PCDHGA12: variants seen among roughly 807,000 people sequenced by gnomAD.
PCDHGA12 encodes protocadherin gamma subfamily A, 12, also known as protocadherin gamma-A12.
PCDHGA12 carries 43 observed loss-of-function variants against 61.1 expected under a neutral mutation model. The observed-to-expected ratio is 0.70, with a 90% CI of 0.55 to 0.91. The LOEUF is 0.91. Ranked by LOEUF, PCDHGA12 falls within the 40% of genes least tolerant of loss-of-function variation. The probability of loss-of-function intolerance (pLI) is 0.00; values close to 1 mark genes in which losing one functional copy is unlikely to be tolerated. For missense variants in PCDHGA12, 1,236 were observed against 1,227.7 expected (o/e 1.01, Z -0.10); for synonymous variants, 520 against 542.9 (o/e 0.96, Z 0.59).
intron 3 of PCDHGA12, among the ~76,000 whole-genome samples, chr5:141,510,584 C>T (rs2099881791): frequency 1.3e-5 from 2 of 152,184 alleles, no homozygotes. Flanking sequence ...TTTTACGTAC[C>T]TGACATACAT....
At position 141,505,479 on chromosome 5, in the gene PCDHGA12, G is replaced by A; in HGVS notation, c.2570G>A (p.Ser857Asn). 1 of 1,614,228 alleles carries A rather than the reference G, an allele frequency of 6.2e-7. No homozygotes were observed. The highest frequency in any genetic ancestry group is 8.5e-7 in the Non-Finnish European group (1 of 1,180,018). Residue 857 changes from serine to asparagine, a missense_variant and splice_region_variant, in exon 3 of 4, where the codon AGT (serine) becomes AAT (asparagine). Ser to Asn is a conservative substitution (Grantham distance 46, BLOSUM62 1). Coordinates refer to ENST00000252085, the MANE Select transcript of PCDHGA12 (RefSeq NM_003735.3). Reference sequence around the variant, plus strand: ...CAAGCCATGATCTTGGCGTCCGCCAGTGGTAAGTGGTGTCAGTGTGTGTAT... The same window carrying A: ...CAAGCCATGATCTTGGCGTCCGCCAATGGTAAGTGGTGTCAGTGTGTGTAT... Reference protein sequence around the residue: ...MLQAMILASASEAADGSSTLG... With the variant: ...MLQAMILASANEAADGSSTLG...
In PCDHGA12 at chr5:141,490,108, C is replaced by A; in HGVS notation, c.2425-4699C>A. The A allele has an allele frequency of 6.2e-7, 1 of 1,614,244 alleles. No homozygotes were observed. The highest frequency in any genetic ancestry group is 8.5e-7 in the Non-Finnish European group (1 of 1,180,034). On this transcript the variant is annotated intron_variant, in intron 1 of 3. Transcript: ENST00000252085. This position sits in a 1 kb window ranked among gnomAD's most constrained non-coding sequence, Gnocchi z 5.4. The stretch of plus-strand genomic sequence containing the variant: ...TGGAGACCACACATCTGAGGCAGTG[C>A]GGAACCTCTTTGGCCTAGACCCTAG...
Position 141,476,021 on chromosome 5 carries a change from C to T in PCDHGA12, c.2425-18786C>T. The T allele has an allele frequency of 7.1e-7, 1 of 1,400,498 alleles. No individual in the cohort carries two copies. The highest frequency in any genetic ancestry group is 1.4e-5 in the South Asian group (1 of 71,458). 86.8% of individuals were successfully genotyped at this position (1,400,498 alleles called of 1,614,324 possible). A position where few individuals can be genotyped will look rare whatever the true frequency, so the allele number is the denominator to read the frequency against. ...GGCATCCAGAAAGCCATGTCGGACT[C>T]GGCGCCCAGCGCCCAAGCGCTAACC... On this transcript the variant is annotated intron_variant, in intron 1 of 3. Coordinates refer to ENST00000252085, the MANE Select transcript of PCDHGA12 (RefSeq NM_003735.3). This position sits in a 1 kb window ranked among gnomAD's most constrained non-coding sequence, Gnocchi z 7.6.
At chr5:141,441,655 C>A in intron 1 of PCDHGA12, 1 of 247,430 alleles carries the variant, frequency 4.0e-6, no homozygotes. Context: ...TTCTAGGTGT[C>A]CTTGAGCGCA....
chr5:141,445,376 A>T (rs1182418123), intron 1 of PCDHGA12, among the ~76,000 whole-genome samples: 1 of 152,220 alleles, frequency 6.6e-6, no homozygotes, highest in Non-Finnish European at 1.5e-5. Context: ...TGGGTGGTTC[A>T]TTCATTCATT....
At chr5:141,455,208 A>G (rs1450523873) in intron 1 of PCDHGA12, among the ~76,000 whole-genome samples, 1 of 151,996 alleles carries the variant, frequency 6.6e-6, no homozygotes, top group Non-Finnish European at 1.5e-5. Context: ...AACCAATAAG[A>G]GTTTTTAATG....
chr5:141,460,608 T>A (rs2098993153), intron 1 of PCDHGA12, among the ~76,000 whole-genome samples: 1 of 152,186 alleles, frequency 6.6e-6, no homozygotes, highest in Non-Finnish European at 1.5e-5. Context: ...CTGTGTTAGA[T>A]GGATAGATAG....
Position 141,489,089 on chromosome 5 carries a change from A to T in PCDHGA12, c.2425-5718A>T, listed in dbSNP as rs1214993065. The T allele has an allele frequency of 7.4e-5, 21 of 284,398 alleles. No homozygotes were observed. Among genetic ancestry groups the T allele is most frequent in the East Asian group, 1.1e-4 (2 of 17,560 alleles). The allele number at this position is 284,398 out of a possible 1,614,324, so 17.6% of individuals were successfully genotyped here. On this transcript the variant is annotated intron_variant, in intron 1 of 3. Coordinates refer to ENST00000252085, the MANE Select transcript of PCDHGA12 (RefSeq NM_003735.3). This position sits in a 1 kb window ranked among gnomAD's most constrained non-coding sequence, Gnocchi z 4.5. ...CCCTGCCCACCCCCGCCACTCGGTGACTAAGAACTGCTGCAAGCAGGCAAA... is the reference window on the plus strand; with the variant it reads ...CCCTGCCCACCCCCGCCACTCGGTGTCTAAGAACTGCTGCAAGCAGGCAAA...
Position 141,503,999 on chromosome 5 carries a change from C to T in PCDHGA12, c.2484-1394C>T, listed in dbSNP as rs569153055. On this transcript the variant is annotated intron_variant, in intron 2 of 3. Coordinates refer to ENST00000252085, the MANE Select transcript of PCDHGA12 (RefSeq NM_003735.3). Reference sequence around the variant, plus strand: ...AACCCTTCTTCTTACCTTACAGTCACTTAACTGTCTCTGCTGGTCTCTTCC... The same window carrying T: ...AACCCTTCTTCTTACCTTACAGTCATTTAACTGTCTCTGCTGGTCTCTTCC... 2.0e-5 allele frequency among the ~76,000 whole-genome samples: 3 copies of T among 152,286 alleles called. No individual in the cohort carries two copies. The South Asian group carries it at 6.2e-4, about 32-fold the overall frequency.
intron 1 of PCDHGA12, among the ~76,000 whole-genome samples, chr5:141,442,879 A>T (rs1399128822): frequency 6.6e-6 from 1 of 152,256 alleles, no homozygotes; most frequent in Non-Finnish European, 1.5e-5. Flanking sequence ...TTTACAACTC[A>T]GAATCCCTGC....
intron 3 of PCDHGA12, among the ~76,000 whole-genome samples, chr5:141,508,989 G>A (rs900798347): frequency 1.3e-5 from 2 of 152,110 alleles, no homozygotes; most frequent in Non-Finnish European, 2.9e-5. Flanking sequence ...GGGGCCAGCT[G>A]GGGTAGGAGA....
intron 2 of PCDHGA12, among the ~76,000 whole-genome samples, chr5:141,499,496 T>C (rs1167360015): frequency 6.6e-6 from 1 of 152,182 alleles, no homozygotes; most frequent in East Asian, 1.9e-4. Flanking sequence ...CAGTTTAATA[T>C]GAAACATTTC....
At position 141,431,031 on chromosome 5, in the gene PCDHGA12, A is replaced by C; in HGVS notation, c.272A>C (p.Asp91Ala). Reference protein sequence around the residue: ...SGSLVTAGRIDREELCMGAIK... With the variant: ...SGSLVTAGRIAREELCMGAIK... Reference sequence around the variant, plus strand: ...AGCTTGGTCACGGCGGGCAGGATAGACCGGGAGGAGCTCTGTATGGGGGCC... The same window carrying C: ...AGCTTGGTCACGGCGGGCAGGATAGCCCGGGAGGAGCTCTGTATGGGGGCC... Residue 91 changes from aspartate (D) to alanine (A), a missense_variant, in exon 1 of 4, where the codon GAC (aspartate) becomes GCC (alanine). Physicochemically the swap from Asp to Ala is moderately radical, Grantham distance 126. Coordinates refer to ENST00000252085, the MANE Select transcript of PCDHGA12 (RefSeq NM_003735.3). This position sits in a 1 kb window ranked among gnomAD's most constrained non-coding sequence, Gnocchi z 4.8. 1 of 1,614,036 alleles carries C rather than the reference A, an allele frequency of 6.2e-7. No homozygotes were observed. The highest frequency in any genetic ancestry group is 8.5e-7 in the Non-Finnish European group (1 of 1,180,000).
intron 1 of PCDHGA12, among the ~76,000 whole-genome samples, chr5:141,438,633 TATACACAC>T (rs1401551511): frequency 0.055 from 1,851 of 33,458 alleles, 10 homozygotes; most frequent in African/African-American, 0.082. Flanking sequence ...TATATATATA[TATACACAC>T]ACACACACAC....
At chr5:141,438,649 CACATATATGTAT>C (rs1346265042) in intron 1 of PCDHGA12, among the ~76,000 whole-genome samples, 20 of 100,970 alleles carry the variant, frequency 2.0e-4, no homozygotes, top group Admixed American at 2.1e-4. Flanking sequence ...CACACACACA[CACATATATGTAT>C]ATATATATTT....
At chr5:141,436,950 C>A (rs894702404) in intron 1 of PCDHGA12, among the ~76,000 whole-genome samples, 3 of 152,138 alleles carry the variant, frequency 2.0e-5, no homozygotes, top group African/African-American at 7.2e-5. Flanking sequence ...ATAGTGAAAT[C>A]TAAACAAGGA....
chr5:141,433,110 G>T lies in PCDHGA12; in HGVS notation c.2351G>T (p.Ser784Ile), dbSNP rs1031253372. 1.2e-6 allele frequency: 2 copies of T among 1,614,098 alleles called. No homozygotes were observed. Among genetic ancestry groups the T allele is most frequent in the East Asian group, 4.5e-5 (2 of 44,866 alleles). The stretch of plus-strand genomic sequence containing the variant: ...GCAGACATGCTCGTCAGCCAGGAGA[G>T]CTTTGAAAAAAGCGAGCCCCTTTTG... ...NYADMLVSQESFEKSEPLLLS... is the reference protein window; with the variant it reads ...NYADMLVSQEIFEKSEPLLLS... Residue 784 changes from serine to isoleucine, a missense_variant, in exon 1 of 4, where the codon AGC (serine) becomes ATC (isoleucine). Transcript: ENST00000252085.
In PCDHGA12 at chr5:141,489,958, C is replaced by T; in HGVS notation, c.2425-4849C>T. 1 of 1,614,202 alleles carries T rather than the reference C, an allele frequency of 6.2e-7. No individual in the cohort carries two copies. The highest frequency in any genetic ancestry group is 8.5e-7 in the Non-Finnish European group (1 of 1,180,016). On this transcript the variant is annotated intron_variant, in intron 1 of 3. Transcript: ENST00000252085. This position sits in a 1 kb window ranked among gnomAD's most constrained non-coding sequence, Gnocchi z 4.5. ...CGTGCTGGACATCAATGATAATGCT[C>T]CAACCTTCCAATCCTCAGTTCTACG... is the stretch of plus-strand genomic sequence containing the variant.
intron 1 of PCDHGA12, among the ~76,000 whole-genome samples, chr5:141,454,476 A>G (rs918910449): frequency 6.6e-6 from 1 of 151,806 alleles, no homozygotes; most frequent in Non-Finnish European, 1.5e-5. Flanking sequence ...GCATGATCTC[A>G]GCTCACCGCA....
Sources: allele counts gnomAD v4.1 joint callset (sites outside exome capture counted in the v4.1 genomes callset), GRCh38; gene constraint gnomAD v4.1.1; non-coding constraint Gnocchi (gnomAD v3.1); transcripts MANE v1.5; gene names NCBI Gene and HGNC (gene_info 2026-07-23, HGNC 2026-07-21).